The following PDE6D variants were observed in gnomAD, a reference collection of about 807,000 sequenced individuals.
PDE6D encodes the protein retinal rod rhodopsin-sensitive cGMP 3',5'-cyclic phosphodiesterase subunit delta.
In PDE6D, 10 loss-of-function variants were observed where a neutral mutation model predicts 21.9. The ratio of observed to expected loss-of-function variants is 0.46; its 90% CI spans 0.28 to 0.78. PDE6D has a LOEUF of 0.78. Ranked by LOEUF, PDE6D falls within the 30% of genes least tolerant of loss-of-function variation. The pLI, the probability that PDE6D is intolerant of heterozygous loss-of-function variation, is 0.12. For missense variants in PDE6D, 139 were observed against 184.8 expected, an observed-to-expected ratio of 0.75 and a Z score of 1.44; for synonymous variants, 59 against 63.5, an observed-to-expected ratio of 0.93 and a Z score of 0.34.
At chr2:231,750,254 C>T (rs1008687286) in intron 1 of PDE6D, among the ~76,000 whole-genome samples, 1 of 152,132 alleles carries the variant, frequency 6.6e-6, no homozygotes, top group Non-Finnish European at 1.5e-5. Context: ...AAACCTTTTT[C>T]CCCCGTTTCA....
chr2:231,737,472 A>C, intron 3 of PDE6D, 180 bp from the exon 4 acceptor site: 1 of 531,352 alleles, frequency 1.9e-6, no homozygotes, highest in Non-Finnish European at 3.4e-6. Context: ...TTGTCCTCTG[A>C]ACCACACCAA....
At chr2:231,760,863 A>G (rs2048919661) in intron 1 of PDE6D, among the ~76,000 whole-genome samples, 1 of 152,228 alleles carries the variant, frequency 6.6e-6, no homozygotes, top group African/African-American at 2.4e-5. Context: ...CTGCAAGGCT[A>G]GTGACACTAT....
At chr2:231,772,557 C>A (rs1014642493) in intron 1 of PDE6D, among the ~76,000 whole-genome samples, 8 of 152,154 alleles carry the variant, frequency 5.3e-5, no homozygotes, top group African/African-American at 1.9e-4. Context: ...CTTAAAATTC[C>A]TTCCTATGAT....
chr2:231,737,069 T>C (rs188940717), intron 4 of PDE6D, 118 bp downstream of exon 4: 185 of 550,462 alleles, frequency 3.4e-4, no homozygotes, highest in African/African-American at 3.3e-3. Context: ...CCTTGGATAC[T>C]CTTTTACTCT....
At chr2:231,753,591 A>C (rs2048860482) in intron 1 of PDE6D, among the ~76,000 whole-genome samples, 1 of 147,348 alleles carries the variant, frequency 6.8e-6, no homozygotes. Flanking sequence ...ATAAACAAAC[A>C]AATAAAAATA....
chr2:231,734,681 A>G (rs1231141883), intron 4 of PDE6D, among the ~76,000 whole-genome samples: 1 of 142,772 alleles, frequency 7.0e-6, no homozygotes, highest in Admixed American at 7.1e-5. Context: ...CTGTACTAAA[A>G]ATATAAAAAA....
chr2:231,778,523 A>G (rs1461646434), intron 1 of PDE6D, among the ~76,000 whole-genome samples: 1 of 152,224 alleles, frequency 6.6e-6, no homozygotes, highest in Admixed American at 6.5e-5. Context: ...AATAACAAGA[A>G]TAACACTGGC....
intron 1 of PDE6D, among the ~76,000 whole-genome samples, chr2:231,777,872 A>T (rs919913947): frequency 1.3e-5 from 2 of 152,266 alleles, no homozygotes; most frequent in Non-Finnish European, 2.9e-5. Context: ...TTAAAGAGCT[A>T]AACATTGAAA....
intron 1 of PDE6D, among the ~76,000 whole-genome samples, chr2:231,762,719 G>C (rs1038436889): frequency 2.0e-5 from 3 of 152,084 alleles, no homozygotes; most frequent in Non-Finnish European, 4.4e-5. Context: ...GACGTAGAAG[G>C]CTTGTTTGTT....
chr2:231,763,628 CTTTT>C (rs1008984136), intron 1 of PDE6D, among the ~76,000 whole-genome samples: 3 of 148,934 alleles, frequency 2.0e-5, no homozygotes, highest in African/African-American at 4.9e-5. Flanking sequence ...TCTTTAAAAA[CTTTT>C]TTTTTCTTTT....
At chr2:231,733,473 A>G (rs992888741) in intron 4 of PDE6D, among the ~76,000 whole-genome samples, 8 of 151,954 alleles carry the variant, frequency 5.3e-5, no homozygotes, top group Non-Finnish European at 1.2e-4. Context: ...GCCCACATCT[A>G]TTTTCCTGCC....
At chr2:231,742,124 T>C (rs954426195) in intron 1 of PDE6D, among the ~76,000 whole-genome samples, 5 of 151,808 alleles carry the variant, frequency 3.3e-5, no homozygotes, top group African/African-American at 1.2e-4. Context: ...ATAGACTGTG[T>C]TTTTTGTTTT....
intron 1 of PDE6D, among the ~76,000 whole-genome samples, chr2:231,774,139 G>A (rs1222881038): frequency 2.0e-5 from 3 of 151,968 alleles, no homozygotes; most frequent in Non-Finnish European, 4.4e-5. Flanking sequence ...CACCATGTTG[G>A]CCAGGCTGGT....
chr2:231,766,565 G>A (rs1199014030), intron 1 of PDE6D, among the ~76,000 whole-genome samples: 2 of 152,106 alleles, frequency 1.3e-5, no homozygotes, highest in Non-Finnish European at 2.9e-5. Context: ...TTTCTTTCAG[G>A]TTATTTGGAG....
rs1400262128 is a variant in PDE6D, at chr2:231,775,481, G to T, written c.50+5584C>A. 1.3e-4 allele frequency among the ~76,000 whole-genome samples: 18 copies of T among 134,608 alleles called. No individual in the cohort carries two copies. The East Asian group carries it at 3.3e-3, about 24-fold the overall frequency. The allele number at this position is 134,608 out of a possible 152,430, so 88.3% of individuals were successfully genotyped here. ...GCACCACCACACCTGGCTAATTTTTGTGTGTGTTTTTTTTTTTTTTTTGTA... is the reference window on the plus strand; with the variant it reads ...GCACCACCACACCTGGCTAATTTTTTTGTGTGTTTTTTTTTTTTTTTTGTA... On this transcript the variant is annotated intron_variant, in intron 1 of 4. Transcript: ENST00000287600.
intron 1 of PDE6D, among the ~76,000 whole-genome samples, chr2:231,775,432 C>G (rs187364296): frequency 1.3e-5 from 2 of 151,960 alleles, no homozygotes; most frequent in Non-Finnish European, 2.9e-5. Context: ...ACCTCAGCCT[C>G]CCAGTAGCTG....
intron 1 of PDE6D, among the ~76,000 whole-genome samples, chr2:231,750,620 A>C (rs997812473): frequency 1.5e-4 from 22 of 149,676 alleles, no homozygotes; most frequent in Non-Finnish European, 3.0e-5. Context: ...CAGCCTCCCA[A>C]GTAGCAGGGA....
intron 1 of PDE6D, among the ~76,000 whole-genome samples, chr2:231,780,687 G>A (rs1010446527): frequency 6.6e-6 from 1 of 152,020 alleles, no homozygotes; most frequent in Non-Finnish European, 1.5e-5. Flanking sequence ...AGCCCACCGC[G>A]CCCCCTCAGC....
intron 4 of PDE6D, among the ~76,000 whole-genome samples, chr2:231,736,703 T>C (rs901387238): frequency 2.0e-5 from 3 of 152,198 alleles, no homozygotes; most frequent in African/African-American, 7.2e-5. Flanking sequence ...CAGATTCTGT[T>C]AAAGGTGATC....
Sources: allele counts gnomAD v4.1 joint callset (sites outside exome capture counted in the v4.1 genomes callset), GRCh38; gene constraint gnomAD v4.1.1; transcripts MANE v1.5; gene names NCBI Gene and HGNC (gene_info 2026-07-23, HGNC 2026-07-21).